The following TMEM216 variants were observed in gnomAD, a reference collection of about 807,000 sequenced individuals.
TMEM216 encodes cerebello-oculo-renal syndrome 2.
A neutral mutation model predicts 17.8 loss-of-function variants in TMEM216; 15 were observed. That is an observed-to-expected ratio of 0.84 (90% confidence interval 0.56 to 1.30). TMEM216 has a LOEUF of 1.30. Among genes scored for constraint, TMEM216 ranks in the 50% most tolerant of loss-of-function variants. TMEM216 has a pLI of 0.00. For missense variants in TMEM216, 160 were observed against 175.7 expected, an observed-to-expected ratio of 0.91 and a Z score of 0.51; for synonymous variants, 58 against 73.5, an observed-to-expected ratio of 0.79 and a Z score of 1.08.
rs1858826655 is a variant in TMEM216 at position 61,397,593 on chromosome 11, T to C, written c.230-181T>C. 3 of 537,570 alleles carry C rather than the reference T, an allele frequency of 5.6e-6. No homozygotes were observed. The South Asian group carries it at 9.7e-5, about 17-fold the overall frequency. The allele number at this position is 537,570 out of a possible 1,614,324, so 33.3% of individuals were successfully genotyped here. A position where few individuals can be genotyped will look rare whatever the true frequency, so the allele number is the denominator to read the frequency against. ...GCAGGACCTCTGGATTAAGTGACTTTAATCTTGTAGCTCTCCTAAGCCTCA... is the reference window on the plus strand; with the variant it reads ...GCAGGACCTCTGGATTAAGTGACTTCAATCTTGTAGCTCTCCTAAGCCTCA... On this transcript the variant is annotated intron_variant, in intron 3 of 4. Coordinates refer to ENST00000515837, the MANE Select transcript of TMEM216 (RefSeq NM_001173990.3).
In TMEM216 at chr11:61,393,218, G is replaced by GCTC. The variant is rs1858717633; in HGVS notation, c.35-10_35-8dup. ...CTTCCGGCCCATCCCACTTCTCTGT[G>GCTC]CTCCTTTTTCAGGTAAACGGTTGTC... is the stretch of plus-strand genomic sequence containing the variant. On this transcript the variant is annotated splice_polypyrimidine_tract_variant and intron_variant, in intron 1 of 4. Coordinates refer to ENST00000515837, the MANE Select transcript of TMEM216 (RefSeq NM_001173990.3). 4 of 1,531,986 alleles carry GCTC rather than the reference G, an allele frequency of 2.6e-6. No homozygotes were observed. Among genetic ancestry groups the GCTC allele is most frequent in the Non-Finnish European group, 3.5e-6 (4 of 1,143,622 alleles). The allele number at this position is 1,531,986 out of a possible 1,614,324, so 94.9% of individuals were successfully genotyped here.
In TMEM216 at chr11:61,398,434, G is replaced by T; in HGVS notation, c.*158G>T. ...CATTTGGGCAAGCAACTCAGCATAA[G>T]GCCAGTGGGTACCATCTTCTAAACC... is the stretch of plus-strand genomic sequence containing the variant. On this transcript the variant is annotated 3_prime_UTR_variant, in exon 5 of 5. Coordinates refer to ENST00000515837, the MANE Select transcript of TMEM216 (RefSeq NM_001173990.3). The T allele has an allele frequency of 1.4e-6, 1 of 711,674 alleles. No homozygotes were observed. Among genetic ancestry groups the T allele is most frequent in the Admixed American group, 2.5e-5 (1 of 39,790 alleles). 44.1% of individuals were successfully genotyped at this position (711,674 alleles called of 1,614,324 possible).
At chr11:61,393,670 TC>T (rs1858731417) in intron 2 of TMEM216, among the ~76,000 whole-genome samples, 1 of 152,070 alleles carries the variant, frequency 6.6e-6, no homozygotes, top group South Asian at 2.1e-4. Flanking sequence ...GAGAGTGGAG[TC>T]CCCAGAGACT....
Position 61,397,985 on chromosome 11 carries a change from C to A in TMEM216, c.431+10C>A. 1 of 1,613,154 alleles carries A rather than the reference C, an allele frequency of 6.2e-7. No homozygotes were observed. On this transcript the variant is annotated intron_variant, in intron 4 of 4. Transcript: ENST00000515837. ...TGGCTGCTTTCTCCAGGTACTGCTG[C>A]TGAGGGACCATTTCTCATCACTAGA...
chr11:61,398,381 A>G lies in TMEM216; in HGVS notation c.*105A>G. On this transcript the variant is annotated 3_prime_UTR_variant, in exon 5 of 5. Coordinates refer to ENST00000515837, the MANE Select transcript of TMEM216 (RefSeq NM_001173990.3). Reference sequence around the variant, plus strand: ...TTGGTGGGGCAAGTTGTCCTGAGAAAGGCTGTGTGGCTTTTCTTCAGCACA... The same window carrying G: ...TTGGTGGGGCAAGTTGTCCTGAGAAGGGCTGTGTGGCTTTTCTTCAGCACA... The G allele has an allele frequency of 7.8e-7, 1 of 1,283,626 alleles. No individual in the cohort carries two copies. The highest frequency in any genetic ancestry group is 1.1e-6 in the Non-Finnish European group (1 of 909,986). 79.5% of individuals were successfully genotyped at this position (1,283,626 alleles called of 1,614,324 possible).
intron 4 of TMEM216, 85 bp downstream of exon 4, chr11:61,398,060 AG>A (rs1485248669): frequency 6.5e-7 from 1 of 1,542,746 alleles, no homozygotes; most frequent in Non-Finnish European, 8.9e-7. Flanking sequence ...CTGAAGCCTA[AG>A]GGGTCTAGAA....
intron 1 of TMEM216, 152 bp downstream of exon 1, chr11:61,392,817 A>G (rs1431815020): frequency 1.3e-6 from 2 of 1,507,868 alleles, no homozygotes; most frequent in Non-Finnish European, 1.8e-6. Context: ...GGTCCCGCCC[A>G]CCCTGGGTGC....
intron 2 of TMEM216, 83 bp from the exon 3 acceptor site, chr11:61,393,801 T>A: frequency 9.9e-7 from 1 of 1,009,364 alleles, no homozygotes. Flanking sequence ...CTGAGACTGA[T>A]GTCCTCTTTT....
At chr11:61,394,759 C>G (rs1467450211) in intron 3 of TMEM216, among the ~76,000 whole-genome samples, 1 of 151,660 alleles carries the variant, frequency 6.6e-6, no homozygotes, top group Non-Finnish European at 1.5e-5. Context: ...CTCCGCCTCC[C>G]GGGTTCAAGC....
intron 2 of TMEM216, among the ~76,000 whole-genome samples, chr11:61,393,651 A>G (rs554702715): frequency 6.6e-6 from 1 of 152,330 alleles, no homozygotes; most frequent in African/African-American, 2.4e-5. Context: ...TGTACATCCA[A>G]TCATTTTGGA....
intron 3 of TMEM216, among the ~76,000 whole-genome samples, chr11:61,395,123 T>A (rs1268838390): frequency 6.6e-6 from 1 of 152,120 alleles, no homozygotes; most frequent in Non-Finnish European, 1.5e-5. Context: ...ACCACAGGTG[T>A]GCGACATCAT....
At chr11:61,392,917 T>G (rs755690766) in intron 1 of TMEM216, 2 of 978,962 alleles carry the variant, frequency 2.0e-6, no homozygotes, top group Non-Finnish European at 1.2e-6. Flanking sequence ...TGTTGGTCTC[T>G]GCGCCCCAAC....
At chr11:61,392,874 T>G (rs1408921664) in intron 1 of TMEM216, 4 of 985,296 alleles carry the variant, frequency 4.1e-6, no homozygotes, top group Non-Finnish European at 4.8e-6. Context: ...GATCCTTGGC[T>G]GGGCCACTTC....
chr11:61,392,857 A>G, intron 1 of TMEM216, 192 bp downstream of exon 1: 1 of 985,306 alleles, frequency 1.0e-6, no homozygotes, highest in South Asian at 4.7e-5. Flanking sequence ...CAGCTCAAAT[A>G]AACGCAGATC....
chr11:61,395,975 A>C (rs1858789465), intron 3 of TMEM216, among the ~76,000 whole-genome samples: 2 of 152,170 alleles, frequency 1.3e-5, no homozygotes, highest in Admixed American at 6.5e-5. Context: ...AGTAGTTATT[A>C]CTGTGTAATG....
intron 3 of TMEM216, among the ~76,000 whole-genome samples, chr11:61,394,962 G>A (rs570810531): frequency 3.3e-5 from 5 of 152,086 alleles, no homozygotes; most frequent in Admixed American, 1.3e-4. Flanking sequence ...ATCACACCTG[G>A]CCAGATTTTG....
In TMEM216 at chr11:61,393,940, C is replaced by G. The variant is rs1321668376; in HGVS notation, c.193C>G (p.Leu65Val). ...NLVLDVVMLL[L>V]YLGIEVIRLF... ...AGTACTGGATGTGGTGATGCTCCTC[C>G]TTTATCTTGGAATTGAAGTAATTCG... Residue 65 changes from leucine to valine, a missense_variant, in exon 3 of 5, where the codon CTT (leucine) becomes GTT (valine). Coordinates refer to ENST00000515837, the MANE Select transcript of TMEM216 (RefSeq NM_001173990.3). 1.2e-5 allele frequency: 19 copies of G among 1,613,904 alleles called. No individual in the cohort carries two copies. Among genetic ancestry groups the G allele is most frequent in the Non-Finnish European group, 1.6e-5 (19 of 1,179,902 alleles).
intron 3 of TMEM216, among the ~76,000 whole-genome samples, chr11:61,396,593 G>A (rs926432128): frequency 6.6e-6 from 1 of 151,868 alleles, no homozygotes; most frequent in Non-Finnish European, 1.5e-5. Context: ...AGGAGTTCGT[G>A]ACCAGCCTGG....
At chr11:61,393,399 A>G in intron 2 of TMEM216, 67 bp downstream of exon 2, 1 of 1,136,726 alleles carries the variant, frequency 8.8e-7, no homozygotes, top group South Asian at 1.3e-5. Context: ...AATTCCTACC[A>G]AGAACCTTCT....
Sources: gnomAD v4.1 joint callset for allele counts (sites outside exome capture counted in the v4.1 genomes callset) on GRCh38, gnomAD v4.1.1 for gene constraint, MANE v1.5 for transcripts, NCBI Gene and HGNC (gene_info 2026-07-23, HGNC 2026-07-21) for gene names.